The following ERGIC2 variants were observed in gnomAD, a reference collection of about 807,000 sequenced individuals.
ERGIC2 encodes endoplasmic reticulum-Golgi intermediate compartment protein 2.
Under a neutral mutation model 52.5 loss-of-function variants are expected in ERGIC2, and 31 were observed. The ratio of observed to expected loss-of-function variants is 0.59; its 90% confidence interval spans 0.44 to 0.80. ERGIC2 has a LOEUF of 0.80. ERGIC2 is among the 30% of genes least tolerant of loss of function. ERGIC2 has a pLI of 0.00. For synonymous variants in ERGIC2, 129 were observed against 140.6 expected (o/e 0.92, Z 0.58); for missense variants, 395 against 455.2 (o/e 0.87, Z 1.20).
rs1381290585 is a variant in ERGIC2 at position 29,355,824 on chromosome 12, C to CTGTTA, written c.572+557_572+558insTAACA. Among the ~76,000 whole-genome samples, 3 of 152,174 alleles carry CTGTTA rather than the reference C, an allele frequency of 2.0e-5. 1 individual carries two copies. Among genetic ancestry groups the CTGTTA allele is most frequent in the Middle Eastern group, 6.8e-3 (2 of 294 alleles). Reference sequence around the variant, plus strand: ...AGTAGAAGGCTGTAATTGATATTTACCTACAGTTCAGTTACTTTAATATAC... The same window carrying CTGTTA: ...AGTAGAAGGCTGTAATTGATATTTACTGTTACTACAGTTCAGTTACTTTAATATAC... On this transcript the variant is annotated intron_variant, in intron 8 of 13. Transcript: ENST00000360150.
In ERGIC2 at chr12:29,341,128, A is replaced by G. The variant is rs771293037; in HGVS notation, c.*28T>C. On this transcript the variant is annotated 3_prime_UTR_variant, in exon 14 of 14. Coordinates refer to ENST00000360150, the MANE Select transcript of ERGIC2 (RefSeq NM_016570.3). ...AAAAAAGGTTTTATGTCTCAGGCAA[A>G]AAGTTTTTCTCCTTCAATCGGGAGG... 9.6e-6 allele frequency: 15 copies of G among 1,556,036 alleles called. 1 individual carries two copies. In the South Asian group the frequency reaches 1.5e-4, roughly 16 times the overall value.
chr12:29,357,596 G>C (rs1004141033), intron 7 of ERGIC2, 27 bp downstream of exon 7: 21 of 1,132,296 alleles, frequency 1.9e-5, no homozygotes, highest in Non-Finnish European at 2.6e-5. Context: ...ATAATAAACA[G>C]TTGCACATTT....
intron 1 of ERGIC2, among the ~76,000 whole-genome samples, chr12:29,380,132 T>G (rs190322241): frequency 6.6e-6 from 1 of 151,784 alleles, no homozygotes; most frequent in East Asian, 1.9e-4. Flanking sequence ...AAAATCAGAA[T>G]TTTTTTCCTC....
chr12:29,373,843 T>G (rs980312206), intron 1 of ERGIC2, among the ~76,000 whole-genome samples: 3 of 152,178 alleles, frequency 2.0e-5, no homozygotes, highest in African/African-American at 7.2e-5. Context: ...AAACTGGTAT[T>G]CCCATCGATA....
chr12:29,341,806 A>C lies in ERGIC2; in HGVS notation c.999T>G (p.His333Gln). ...TTTCAACTATAAATTTTCCAATTCC[A>C]TGTAACATGCCTGTAATAAACAATA... ...GGIFSTTGML[H>Q]GIGKFIVEII... is the part of the protein sequence containing the mutation. The change falls in exon 13 of 14, where the codon CAT becomes CAG. Residue 333 changes from histidine (H) to glutamine (Q), a missense_variant. By Grantham distance (24) the His-to-Gln change is conservative. Transcript: ENST00000360150. 1 of 1,547,104 alleles carries C rather than the reference A, an allele frequency of 6.5e-7. No homozygotes were observed. The highest frequency in any genetic ancestry group is 8.9e-7 in the Non-Finnish European group (1 of 1,118,966).
intron 3 of ERGIC2, among the ~76,000 whole-genome samples, chr12:29,368,832 A>G (rs903169265): frequency 6.6e-6 from 1 of 151,938 alleles, no homozygotes; most frequent in Non-Finnish European, 1.5e-5. Flanking sequence ...CATCACCATT[A>G]AAGTGGCATA....
At chr12:29,373,376 T>C (rs1403600782) in intron 1 of ERGIC2, among the ~76,000 whole-genome samples, 1 of 152,140 alleles carries the variant, frequency 6.6e-6, no homozygotes, top group African/African-American at 2.4e-5. Context: ...ATTAATAAAA[T>C]CAACACATAA....
Position 29,350,591 on chromosome 12 carries a change from T to C in ERGIC2, c.573-523A>G, listed in dbSNP as rs887395012. On this transcript the variant is annotated intron_variant, in intron 8 of 13. Transcript: ENST00000360150. Reference sequence around the variant, plus strand: ...GAGCATATTCATTGCTTGAAAGACATTTATAGAATTCCAGTAGATTATTCT... The same window carrying C: ...GAGCATATTCATTGCTTGAAAGACACTTATAGAATTCCAGTAGATTATTCT... Among the ~76,000 whole-genome samples the C allele has an allele frequency of 2.6e-5, 4 of 152,080 alleles. No individual in the cohort carries two copies. The East Asian group carries it at 7.7e-4, about 29-fold the overall frequency.
In ERGIC2 at chr12:29,345,466, G is replaced by A. The variant is rs1940034932; in HGVS notation, c.802C>T (p.His268Tyr). 1 of 1,589,286 alleles carries A rather than the reference G, an allele frequency of 6.3e-7. No homozygotes were observed. The highest frequency in any genetic ancestry group is 8.6e-7 in the Non-Finnish European group (1 of 1,159,766). ...LHTYKISADTHQFSVTERERI... is the reference protein window; with the variant it reads ...LHTYKISADTYQFSVTERERI... The stretch of plus-strand genomic sequence containing the variant: ...ACCCTTTCTGTCACAGAAAACTGAT[G>A]GGTGTCTGCTGATATTTTATATGTA... Residue 268 changes from histidine (H) to tyrosine (Y), a missense_variant, in exon 11 of 14, where the codon CAT becomes TAT. His to Tyr is a moderately conservative substitution (Grantham distance 83, BLOSUM62 2). Transcript: ENST00000360150.
At chr12:29,343,671 G>A (rs752174656) in intron 11 of ERGIC2, among the ~76,000 whole-genome samples, 11 of 151,932 alleles carry the variant, frequency 7.2e-5, no homozygotes, top group South Asian at 2.1e-4. Context: ...ACAGTTTTAC[G>A]TAGGGCATTA....
chr12:29,350,168 G>T, intron 8 of ERGIC2, 100 bp from the exon 9 acceptor site: 1 of 719,112 alleles, frequency 1.4e-6, no homozygotes, highest in South Asian at 1.9e-5. Flanking sequence ...ATTTTTCTTA[G>T]TACAAAATAA....
rs916780980 is a variant in ERGIC2 at position 29,370,322 on chromosome 12, G to A, written c.107-100C>T. 7.0e-6 allele frequency: 9 copies of A among 1,290,132 alleles called. No individual in the cohort carries two copies. In the African/African-American group the frequency reaches 1.4e-4, roughly 20 times the overall value. The allele number at this position is 1,290,132 out of a possible 1,614,324, so 79.9% of individuals were successfully genotyped here. On this transcript the variant is annotated intron_variant, in intron 2 of 13. Transcript: ENST00000360150. ...TGAGATTAAATTTTCAAAAGAAAAA[G>A]CCTAATAATGTAACTTCCATTTGAA...
intron 13 of ERGIC2, 45 bp from the exon 14 acceptor site, chr12:29,341,263 T>C (rs897820307): frequency 5.1e-5 from 73 of 1,425,678 alleles, no homozygotes; most frequent in Non-Finnish European, 7.0e-5. Flanking sequence ...ATTAGTTTTA[T>C]TCCTTATACT....
In ERGIC2 at chr12:29,340,939, C is replaced by T. The variant is rs73273359; in HGVS notation, c.*217G>A. On this transcript the variant is annotated 3_prime_UTR_variant, in exon 14 of 14. Coordinates refer to ENST00000360150, the MANE Select transcript of ERGIC2 (RefSeq NM_016570.3). ...CAACACTCCAGTTGGGCTTCTTCAT[C>T]GTTTAGCTGCATGATTTCTTCTACG... is the stretch of plus-strand genomic sequence containing the variant. The T allele has an allele frequency of 8.6e-3, 4,734 of 551,398 alleles. 174 individuals are homozygous for T. The highest frequency in any genetic ancestry group is 0.082 in the African/African-American group (4,249 of 51,996). 34.2% of individuals were successfully genotyped at this position (551,398 alleles called of 1,614,324 possible).
chr12:29,367,796 T>C (rs1591997951), intron 4 of ERGIC2, among the ~76,000 whole-genome samples: 2 of 151,844 alleles, frequency 1.3e-5, no homozygotes, highest in East Asian at 3.9e-4. Flanking sequence ...GTGAGTCCAG[T>C]GACGAAAAAA....
chr12:29,344,941 G>C (rs145140606), intron 11 of ERGIC2, among the ~76,000 whole-genome samples: 171 of 152,298 alleles, frequency 1.1e-3, no homozygotes, highest in Middle Eastern at 6.8e-3. Context: ...CCCTGAGGTA[G>C]TGGAATGTTC....
At chr12:29,370,357 T>C (rs1437937640) in intron 2 of ERGIC2, 135 bp from the exon 3 acceptor site, 11 of 983,402 alleles carry the variant, frequency 1.1e-5, no homozygotes, top group Admixed American at 4.1e-5. Context: ...ATGCATACTA[T>C]AGAAGGTTTT....
chr12:29,338,082 G>C lies in ERGIC2; in HGVS notation c.*3074C>G, dbSNP rs913640069. 6.6e-6 allele frequency: 1 copy of C among 151,564 alleles called. No individual in the cohort carries two copies. The highest frequency in any genetic ancestry group is 1.5e-5 in the Non-Finnish European group (1 of 68,036). 9.4% of individuals were successfully genotyped at this position (151,564 alleles called of 1,614,324 possible). On this transcript the variant is annotated 3_prime_UTR_variant, in exon 14 of 14. Coordinates refer to ENST00000360150, the MANE Select transcript of ERGIC2 (RefSeq NM_016570.3). ...CCAGCTACTCAACAGGCTGAGGCAG[G>C]AGAATCACTTGAACCCGGGAGACGG...
intron 1 of ERGIC2, among the ~76,000 whole-genome samples, chr12:29,377,555 A>T (rs1343152077): frequency 6.6e-6 from 1 of 152,236 alleles, no homozygotes; most frequent in East Asian, 1.9e-4. Context: ...CAGTACAGAC[A>T]CAATACTTGT....
Sources: gnomAD v4.1 joint callset for allele counts (sites outside exome capture counted in the v4.1 genomes callset) on GRCh38, gnomAD v4.1.1 for gene constraint, MANE v1.5 for transcripts, NCBI Gene and HGNC (gene_info 2026-07-23, HGNC 2026-07-21) for gene names.